The following AKAP7 variants were observed in gnomAD, a reference collection of about 807,000 sequenced individuals.
AKAP7 encodes the protein A-kinase anchoring protein 7, also known as A kinase (PRKA) anchor protein 7.
AKAP7 carries 39 observed loss-of-function variants against 39.5 expected under a neutral mutation model. That is an observed-to-expected ratio of 0.99 (90% CI 0.76 to 1.29). The LOEUF (loss-of-function observed/expected upper bound fraction) is 1.29. Among genes scored for constraint, AKAP7 ranks in the 50% most tolerant of loss-of-function variants. AKAP7 has a pLI of 0.00. For missense variants in AKAP7, 414 were observed against 407.7 expected, an observed-to-expected ratio of 1.02 and a Z score of -0.13; for synonymous variants, 140 against 139.1, an observed-to-expected ratio of 1.01 and a Z score of -0.05.
At chr6:131,207,147 T>C (rs1808184465) in intron 6 of AKAP7, among the ~76,000 whole-genome samples, 1 of 152,164 alleles carries the variant, frequency 6.6e-6, no homozygotes, top group South Asian at 2.1e-4. Flanking sequence ...CAGTTATATA[T>C]ATTTTTAACC....
chr6:131,282,283 A>C lies in AKAP7; in HGVS notation c.*557A>C. The C allele has an allele frequency of 1.5e-6, 2 of 1,358,838 alleles. No homozygotes were observed. Among genetic ancestry groups the C allele is most frequent in the Non-Finnish European group, 1.9e-6 (2 of 1,060,684 alleles). 84.2% of individuals were successfully genotyped at this position (1,358,838 alleles called of 1,614,324 possible). ...CATGTAAATGATATATTTTTGGTGA[A>C]ATGCAACCTTTTCTATAAAATGTGG... On this transcript the variant is annotated 3_prime_UTR_variant, in exon 8 of 8. Coordinates refer to ENST00000431975, the MANE Select transcript of AKAP7 (RefSeq NM_016377.4).
At chr6:131,241,162 A>G (rs1344904490) in intron 7 of AKAP7, among the ~76,000 whole-genome samples, 1 of 152,148 alleles carries the variant, frequency 6.6e-6, no homozygotes, top group East Asian at 1.9e-4. Context: ...CTCTGCTGGT[A>G]CAGTATAAGC....
intron 7 of AKAP7, among the ~76,000 whole-genome samples, chr6:131,222,535 GAAAAA>G (rs1562225253): frequency 6.6e-6 from 1 of 151,832 alleles, no homozygotes; most frequent in Non-Finnish European, 1.5e-5. Flanking sequence ...CAAAAAAAAA[GAAAAA>G]AGAAAAGAAA....
At chr6:131,139,743 AAGG>A (rs1210896687) in intron 1 of AKAP7, among the ~76,000 whole-genome samples, 2 of 152,222 alleles carry the variant, frequency 1.3e-5, no homozygotes, top group African/African-American at 2.4e-5. Flanking sequence ...GGAGGAATCA[AAGG>A]AGAATAAGAC....
intron 7 of AKAP7, among the ~76,000 whole-genome samples, chr6:131,259,673 G>C (rs1813147049): frequency 6.6e-6 from 1 of 152,174 alleles, no homozygotes; most frequent in African/African-American, 2.4e-5. Flanking sequence ...TCATAAAATA[G>C]AGAAGTTCTC....
chr6:131,224,162 C>A (rs1298462305), intron 7 of AKAP7, among the ~76,000 whole-genome samples: 1 of 152,142 alleles, frequency 6.6e-6, no homozygotes, highest in Admixed American at 6.5e-5. Context: ...ATATGTGCAT[C>A]TAAAGTGATA....
intron 7 of AKAP7, among the ~76,000 whole-genome samples, chr6:131,272,251 G>A (rs1814345681): frequency 6.6e-6 from 1 of 151,768 alleles, no homozygotes; most frequent in Admixed American, 6.6e-5. Context: ...TATACATCTT[G>A]TATTTTTTGT....
At chr6:131,276,154 G>A (rs969026528) in intron 7 of AKAP7, among the ~76,000 whole-genome samples, 1 of 152,194 alleles carries the variant, frequency 6.6e-6, no homozygotes, top group African/African-American at 2.4e-5. Flanking sequence ...CTGTGCTACT[G>A]AATCTAGAAT....
At position 131,274,129 on chromosome 6, in the gene AKAP7, G is replaced by A. The variant is rs575883911; in HGVS notation, c.851-7401G>A. 4.0e-5 allele frequency among the ~76,000 whole-genome samples: 6 copies of A among 151,886 alleles called. No homozygotes were observed. The South Asian group carries it at 1.0e-3, about 26-fold the overall frequency. ...GTCTGTGTTTCTCTGTATATAATGC[G>A]TCTTTTTTCTTTGGCTGTTTTAAGA... On this transcript the variant is annotated intron_variant, in intron 7 of 7. Transcript: ENST00000431975.
At chr6:131,237,212 T>C (rs1228849851) in intron 7 of AKAP7, among the ~76,000 whole-genome samples, 1 of 152,244 alleles carries the variant, frequency 6.6e-6, no homozygotes, top group Non-Finnish European at 1.5e-5. Flanking sequence ...TTATGTTTAT[T>C]GATTTTCGTA....
intron 2 of AKAP7, among the ~76,000 whole-genome samples, chr6:131,154,466 C>T (rs1802233183): frequency 1.6e-5 from 2 of 125,058 alleles, no homozygotes; most frequent in Admixed American, 8.5e-5. Flanking sequence ...CTCCCTGTCC[C>T]TGTTTTTTTT....
At chr6:131,269,437 T>A (rs1313824378) in intron 7 of AKAP7, among the ~76,000 whole-genome samples, 3 of 152,172 alleles carry the variant, frequency 2.0e-5, no homozygotes, top group Non-Finnish European at 4.4e-5. Flanking sequence ...GAGCAAGCAG[T>A]CAGGGATCTT....
At chr6:131,128,739 T>A in the AKAP7 span, among the ~76,000 whole-genome samples, 1 of 151,240 alleles carries the variant, frequency 6.6e-6, no homozygotes, top group African/African-American at 2.4e-5. Flanking sequence ...GGAGACTCAT[T>A]TGAACCCAGG....
At chr6:131,250,536 G>T in intron 7 of AKAP7, 1 of 1,613,872 alleles carries the variant, frequency 6.2e-7, no homozygotes, top group South Asian at 1.1e-5. Context: ...TCACGGAGAA[G>T]AACACCAGGA....
chr6:131,206,074 CAGA>C (rs1454208354), intron 6 of AKAP7, among the ~76,000 whole-genome samples: 2 of 152,114 alleles, frequency 1.3e-5, no homozygotes, highest in African/African-American at 4.8e-5. Context: ...CACTTGATGG[CAGA>C]AGAAGACAAG....
intron 6 of AKAP7, among the ~76,000 whole-genome samples, chr6:131,209,002 G>A (rs1450635275): frequency 6.6e-6 from 1 of 152,188 alleles, no homozygotes; most frequent in African/African-American, 2.4e-5. Context: ...TTTGCTTCCA[G>A]GAAGGTACAC....
rs1038452575 is a variant in AKAP7 at position 131,145,471 on chromosome 6, TTATA to T, written c.151+63_151+66del. On this transcript the variant is annotated intron_variant, in intron 2 of 7. Transcript: ENST00000431975. ...TAGAAGCAATGAGTAGTAAATTTAG[TTATA>T]TATATATTTTTTTCTTTATAAGTTG... The T allele has an allele frequency of 5.1e-6, 6 of 1,176,362 alleles. No individual in the cohort carries two copies. The African/African-American group carries it at 8.1e-5, about 16-fold the overall frequency. 72.9% of individuals were successfully genotyped at this position (1,176,362 alleles called of 1,614,324 possible). A position where few individuals can be genotyped will look rare whatever the true frequency, so the allele number is the denominator to read the frequency against.
chr6:131,176,085 C>T, intron 5 of AKAP7, among the ~76,000 whole-genome samples: 1 of 152,056 alleles, frequency 6.6e-6, no homozygotes, highest in East Asian at 1.9e-4. Flanking sequence ...AAAGATATTT[C>T]TTTTTTCCTA....
intron 7 of AKAP7, among the ~76,000 whole-genome samples, chr6:131,260,669 ATTTG>A (rs1333897129): frequency 7.2e-5 from 11 of 151,816 alleles, no homozygotes; most frequent in Non-Finnish European, 2.9e-5. Context: ...TTTCTTGTAA[ATTTG>A]TTTAAGTTCT....
Sources: allele counts gnomAD v4.1 joint callset (sites outside exome capture counted in the v4.1 genomes callset), GRCh38; gene constraint gnomAD v4.1.1; transcripts MANE v1.5; gene names NCBI Gene and HGNC (gene_info 2026-07-23, HGNC 2026-07-21).